Variants in ERICH6B observed in about 807,000 individuals in gnomAD.
ERICH6B encodes glutamate-rich protein 6B.
ERICH6B carries 69 observed loss-of-function variants against 80.0 expected under a neutral mutation model. The ratio of observed to expected loss-of-function variants is 0.86; its 90% confidence interval spans 0.71 to 1.05. The LOEUF is 1.05. Among genes scored for constraint, ERICH6B ranks in the 50% least tolerant of loss-of-function variants. The probability of loss-of-function intolerance (pLI) is 0.00; values close to 1 mark genes in which losing one functional copy is unlikely to be tolerated. For synonymous variants in ERICH6B, 283 were observed against 291.9 expected, an observed-to-expected ratio of 0.97 and a Z score of 0.31; for missense variants, 754 against 796.1, an observed-to-expected ratio of 0.95 and a Z score of 0.64.
In ERICH6B at chr13:45,543,090, C is replaced by T. The variant is rs541230868; in HGVS notation, c.1873-1410G>A. Among the ~76,000 whole-genome samples, 416 of 152,306 alleles carry T rather than the reference C, an allele frequency of 2.7e-3. 1 individual carries two copies. The highest frequency in any genetic ancestry group is 4.6e-3 in the Non-Finnish European group (313 of 68,032). On this transcript the variant is annotated intron_variant, in intron 14 of 14. Coordinates refer to ENST00000298738, the MANE Select transcript of ERICH6B (RefSeq NM_182542.3). ...AAGGCAGTCCTGCTCCCAGGGGCCC[C>T]GGGACACCTCTCTGGTGGTGTGGGG... is the stretch of plus-strand genomic sequence containing the variant.
intron 8 of ERICH6B, among the ~76,000 whole-genome samples, chr13:45,573,317 T>C (rs549734142): frequency 6.6e-6 from 1 of 152,194 alleles, no homozygotes. Context: ...TTGAACAGAA[T>C]GTACATCATG....
intron 4 of ERICH6B, among the ~76,000 whole-genome samples, chr13:45,587,441 T>G (rs896916769): frequency 2.0e-5 from 3 of 152,132 alleles, no homozygotes; most frequent in African/African-American, 7.2e-5. Flanking sequence ...CGCTGCTGCT[T>G]CACTAAACTG....
intron 11 of ERICH6B, among the ~76,000 whole-genome samples, chr13:45,557,338 T>C (rs1321522170): frequency 6.6e-6 from 1 of 152,204 alleles, no homozygotes; most frequent in East Asian, 1.9e-4. Context: ...TAGTCCTTTG[T>C]CAGATGTATA....
chr13:45,586,575 G>C (rs530611010), intron 5 of ERICH6B, among the ~76,000 whole-genome samples: 104 of 152,234 alleles, frequency 6.8e-4, no homozygotes, highest in African/African-American at 2.4e-3. Context: ...GATAGTTTTG[G>C]TGGGTTCTGA....
chr13:45,586,141 G>T (rs1396351906), intron 5 of ERICH6B, among the ~76,000 whole-genome samples: 1 of 152,082 alleles, frequency 6.6e-6, no homozygotes, highest in Non-Finnish European at 1.5e-5. Flanking sequence ...GCTGAAAAAG[G>T]TCCCCAGTGA....
intron 11 of ERICH6B, chr13:45,551,400 T>C (rs1273331869): frequency 6.6e-6 from 1 of 152,212 alleles, no homozygotes; most frequent in Non-Finnish European, 1.5e-5. Context: ...TCTTCTGTTT[T>C]TGTCTTTCTT....
At chr13:45,567,525 T>C (rs1043537949) in intron 9 of ERICH6B, among the ~76,000 whole-genome samples, 1 of 152,150 alleles carries the variant, frequency 6.6e-6, no homozygotes, top group Non-Finnish European at 1.5e-5. Flanking sequence ...TGATGGTTAT[T>C]ATAAGGAGGA....
At chr13:45,556,341 C>A (rs1043152274) in intron 11 of ERICH6B, among the ~76,000 whole-genome samples, 1 of 152,116 alleles carries the variant, frequency 6.6e-6, no homozygotes, top group African/African-American at 2.4e-5. Flanking sequence ...CTTTTAAATT[C>A]CCACCTTAAT....
chr13:45,606,060 A>T (rs1475494186), intron 2 of ERICH6B, among the ~76,000 whole-genome samples: 1 of 152,224 alleles, frequency 6.6e-6, no homozygotes, highest in Admixed American at 6.5e-5. Context: ...TCCAATCTTT[A>T]TAACTCAAGT....
chr13:45,559,871 G>A lies in ERICH6B; in HGVS notation c.1407+1498C>T, dbSNP rs528412078. On this transcript the variant is annotated intron_variant, in intron 11 of 14. Coordinates refer to ENST00000298738, the MANE Select transcript of ERICH6B (RefSeq NM_182542.3). ...TGATGAATAGAAAGTATATTCTGCA[G>A]TGTTGGGTAGAATGTTCTGTAAATA... Among the ~76,000 whole-genome samples, 12 of 152,314 alleles carry A rather than the reference G, an allele frequency of 7.9e-5. No individual in the cohort carries two copies. The South Asian group carries it at 2.5e-3, about 32-fold the overall frequency.
chr13:45,602,905 T>A (rs1306325606), intron 2 of ERICH6B, among the ~76,000 whole-genome samples: 3 of 152,196 alleles, frequency 2.0e-5, no homozygotes, highest in Non-Finnish European at 2.9e-5. Context: ...GGGATATATA[T>A]AGAAATGTAA....
intron 5 of ERICH6B, among the ~76,000 whole-genome samples, chr13:45,584,967 A>C (rs1875838465): frequency 6.6e-6 from 1 of 151,774 alleles, no homozygotes; most frequent in African/African-American, 2.4e-5. Context: ...TGGGTTTTGC[A>C]CTTCCCTACC....
rs540916631 is a variant in ERICH6B, at chr13:45,552,331, A to G, written c.1408-2015T>C. 3.9e-5 allele frequency among the ~76,000 whole-genome samples: 6 copies of G among 152,176 alleles called. No homozygotes were observed. In the South Asian group the frequency reaches 1.2e-3, roughly 32 times the overall value. ...CCTGTCCCCATGTTGGTGGATTGTC[A>G]AGACCCGTTGTTCCCCTGCTTCCTC... On this transcript the variant is annotated intron_variant, in intron 11 of 14. Transcript: ENST00000298738.
chr13:45,580,629 T>G lies in ERICH6B; in HGVS notation c.893A>C (p.Glu298Ala). The G allele has an allele frequency of 1.9e-6, 3 of 1,551,748 alleles. No individual in the cohort carries two copies. The highest frequency in any genetic ancestry group is 2.6e-6 in the Non-Finnish European group (3 of 1,147,002). The part of the protein sequence containing the change: ...SLKSKSETEQ[E>A]TTTKLAPEEH... The stretch of plus-strand genomic sequence containing the variant: ...TTCCGGAGCCAGCTTCGTGGTGGTT[T>G]CTTGCTCTGTTTCTGATTTCGATTT... Residue 298 changes from glutamate (E) to alanine (A), a missense_variant, in exon 6 of 15, where the codon GAA becomes GCA. Coordinates refer to ENST00000298738, the MANE Select transcript of ERICH6B (RefSeq NM_182542.3).
Position 45,563,508 on chromosome 13 carries a change from C to CTG in ERICH6B, c.1249+217_1249+218dup, listed in dbSNP as rs1365533222. Among the ~76,000 whole-genome samples the CTG allele has an allele frequency of 2.0e-5, 3 of 152,294 alleles. No individual in the cohort carries two copies. In the East Asian group the frequency reaches 5.8e-4, roughly 29 times the overall value. ...CTCGCTCTGTGTTCAGATCCCCCAC[C>CTG]TGCCCCTGCCACCAAGAAAGAAACT... On this transcript the variant is annotated intron_variant, in intron 10 of 14. Transcript: ENST00000298738.
intron 2 of ERICH6B, among the ~76,000 whole-genome samples, chr13:45,597,358 A>G (rs1323101292): frequency 6.6e-6 from 1 of 152,232 alleles, no homozygotes; most frequent in African/African-American, 2.4e-5. Context: ...ACTGCTAGAG[A>G]AGATTTTTAT....
At chr13:45,566,226 G>A (rs530662075) in intron 9 of ERICH6B, among the ~76,000 whole-genome samples, 21 of 152,334 alleles carry the variant, frequency 1.4e-4, no homozygotes, top group African/African-American at 4.8e-4. Flanking sequence ...TTTACTAAGG[G>A]AAGCAGAGCA....
Position 45,588,696 on chromosome 13 carries a change from C to T in ERICH6B, c.687-1464G>A, listed in dbSNP as rs147826185. ...CAATATTGGCCTCTCTGGTCATTTC[C>T]ACTATCATGTACTTTTCCCCCCAGA... On this transcript the variant is annotated intron_variant, in intron 4 of 14. Coordinates refer to ENST00000298738, the MANE Select transcript of ERICH6B (RefSeq NM_182542.3). 1.4e-3 allele frequency among the ~76,000 whole-genome samples: 210 copies of T among 152,334 alleles called. 1 individual carries two copies. The highest frequency in any genetic ancestry group is 3.8e-3 in the African/African-American group (159 of 41,578).
chr13:45,606,503 GTGTATATATATA>G lies in ERICH6B; in HGVS notation c.-59+1049_-59+1060del, dbSNP rs1566307636. 8.7e-3 allele frequency among the ~76,000 whole-genome samples: 283 copies of G among 32,702 alleles called. 9 individuals are homozygous for G. Among genetic ancestry groups the G allele is most frequent in the Admixed American group, 0.014 (32 of 2,262 alleles). 21.5% of individuals were successfully genotyped at this position (32,702 alleles called of 152,430 possible). ...CTTGGCTGAGATCCCAAAAGTGTAT[GTGTATATATATA>G]TATATATATATATATATATATATAT... On this transcript the variant is annotated intron_variant, in intron 2 of 14. Transcript: ENST00000298738.
Sources: gnomAD v4.1 joint callset for allele counts (sites outside exome capture counted in the v4.1 genomes callset) on GRCh38, gnomAD v4.1.1 for gene constraint, MANE v1.5 for transcripts, NCBI Gene and HGNC (gene_info 2026-07-23, HGNC 2026-07-21) for gene names.